Variants in LAMA3 observed in about 807,000 individuals in gnomAD.
LAMA3 encodes the protein laminin subunit alpha 3, also known as laminin subunit alpha-3.
A neutral mutation model predicts 402.0 loss-of-function variants in LAMA3; 281 were observed. The ratio of observed to expected loss-of-function variants is 0.70; its 90% CI spans 0.63 to 0.77. LAMA3 has a LOEUF of 0.77. LAMA3 is among the 30% of genes least tolerant of loss of function. LAMA3 has a pLI of 0.00. For missense variants in LAMA3, 3,840 were observed against 4,215.5 expected (o/e 0.91, Z 2.47); for synonymous variants, 1,431 against 1,558.4 (o/e 0.92, Z 1.93).
intron 68 of LAMA3, among the ~76,000 whole-genome samples, chr18:23,943,358 C>T (rs927884721): frequency 1.3e-5 from 2 of 152,104 alleles, no homozygotes; most frequent in South Asian, 2.1e-4. Flanking sequence ...AAAGAGTTCT[C>T]GAGATTGATT....
At position 23,884,838 on chromosome 18, in the gene LAMA3, G is replaced by A. The variant is rs1420062478; in HGVS notation, c.5288G>A (p.Gly1763Glu). 1 of 1,612,208 alleles carries A rather than the reference G, an allele frequency of 6.2e-7. No homozygotes were observed. Among genetic ancestry groups the A allele is most frequent in the African/African-American group, 1.3e-5 (1 of 74,962 alleles). ...VRCSCKAGYT[G>E]TQCERCAPGY... ...TGCTCCTGCAAAGCTGGGTACACAG[G>A]AACACAGTGTGAAAGGTAAGGTGGG... Residue 1763 changes from glycine (G) to glutamate (E), a missense_variant, in exon 41 of 75, where the codon GGA becomes GAA. Coordinates refer to ENST00000313654, the MANE Select transcript of LAMA3 (RefSeq NM_198129.4).
chr18:23,879,238 T>C lies in LAMA3; in HGVS notation c.5113-2698T>C, dbSNP rs2064821165. On this transcript the variant is annotated intron_variant, in intron 39 of 74. Transcript: ENST00000313654. The surrounding 1 kb of genome is among the most constrained non-coding windows in gnomAD (Gnocchi z 4.2). ...CGACCCTTAGCACAGTACTGGGGGC[T>C]CTTTCTAGCTGCATCCCGCCCCCTT... Among the ~76,000 whole-genome samples, 1 of 152,176 alleles carries C rather than the reference T, an allele frequency of 6.6e-6. No homozygotes were observed. Among genetic ancestry groups the C allele is most frequent in the African/African-American group, 2.4e-5 (1 of 41,432 alleles).
chr18:23,759,959 G>T (rs547450207), intron 7 of LAMA3, among the ~76,000 whole-genome samples: 21 of 152,300 alleles, frequency 1.4e-4, no homozygotes, highest in Admixed American at 1.4e-3. Flanking sequence ...CCCCAGATGA[G>T]GGGACCAGAG....
In LAMA3 at chr18:23,815,250, G is replaced by A. The variant is rs2144334226; in HGVS notation, c.1941+10G>A. 6.2e-7 allele frequency: 1 copy of A among 1,613,374 alleles called. No homozygotes were observed. Among genetic ancestry groups the A allele is most frequent in the East Asian group, 2.2e-5 (1 of 44,842 alleles). On this transcript the variant is annotated intron_variant, in intron 16 of 74. Transcript: ENST00000313654. ...TGGAGAGTGTAGGCAGGTAAAGTGG[G>A]CTGAGTTTTCATGTGACAACAGCAG...
At chr18:23,691,739 T>C (rs971208772) in intron 1 of LAMA3, among the ~76,000 whole-genome samples, 2 of 152,234 alleles carry the variant, frequency 1.3e-5, no homozygotes, top group Non-Finnish European at 2.9e-5. Context: ...GCGTGGCTAA[T>C]TTTTGTATCT....
chr18:23,907,926 G>A lies in LAMA3; in HGVS notation c.7006G>A (p.Asp2336Asn). The change falls in exon 54 of 75, where the codon GAT becomes AAT. Residue 2336 changes from aspartate (D) to asparagine (N), a missense_variant. Transcript: ENST00000313654. ...EDFKKALTDA[D>N]NSVNKLTNKL... ...CTTCAAAAAGGCTCTGACTGATGCA[G>A]ATAACTCGGGTATCAGGCGATCTCT... 3 of 1,613,754 alleles carry A rather than the reference G, an allele frequency of 1.9e-6. No homozygotes were observed. The highest frequency in any genetic ancestry group is 2.5e-6 in the Non-Finnish European group (3 of 1,179,934).
chr18:23,925,889 T>TA (rs1295832919), intron 62 of LAMA3, among the ~76,000 whole-genome samples: 1 of 152,210 alleles, frequency 6.6e-6, no homozygotes, highest in African/African-American at 2.4e-5. Context: ...ACTGTAAGTG[T>TA]AAAAAGCAAG....
intron 12 of LAMA3, among the ~76,000 whole-genome samples, chr18:23,800,528 GT>G (rs2062848234): frequency 6.6e-6 from 1 of 152,092 alleles, no homozygotes; most frequent in South Asian, 2.1e-4. Flanking sequence ...TCATTTCTTT[GT>G]TTTGTGAACA....
At position 23,912,770 on chromosome 18, in the gene LAMA3, C is replaced by A; in HGVS notation, c.7218C>A (p.Asp2406Glu). 6.2e-7 allele frequency: 1 copy of A among 1,614,026 alleles called. No homozygotes were observed. The highest frequency in any genetic ancestry group is 2.2e-5 in the East Asian group (1 of 44,876). The change falls in exon 56 of 75, where the codon GAC (aspartate) becomes GAA (glutamate). Residue 2406 changes from aspartate to glutamate, a missense_variant. Asp to Glu is a conservative substitution (Grantham distance 45, BLOSUM62 2). Transcript: ENST00000313654. ...KSGVEVRLPNDLEDLKGYTSL... is the reference protein window; with the variant it reads ...KSGVEVRLPNELEDLKGYTSL... ...GAGTCGAAGTCCGACTGCCAAATGA[C>A]CTGGAAGATTTGAAAGGATATACAT...
Position 23,810,457 on chromosome 18 carries a change from G to C in LAMA3, c.1695G>C (p.Arg565=). The change falls in exon 13 of 75, where the codon CGG becomes CGC. Residue 565 remains arginine (R), a synonymous_variant. Coordinates refer to ENST00000313654, the MANE Select transcript of LAMA3 (RefSeq NM_198129.4). ...GTCGGCCAGGAGTTACAGGACAGCG[G>C]TGTGACAGGTGTCTCTCAGGAGCTT... ...CECRPGVTGQ[R]CDRCLSGAYD... 6.2e-7 allele frequency: 1 copy of C among 1,614,164 alleles called. No homozygotes were observed. The highest frequency in any genetic ancestry group is 8.5e-7 in the Non-Finnish European group (1 of 1,180,012).
intron 10 of LAMA3, 144 bp from the exon 11 acceptor site, chr18:23,777,413 C>G: frequency 3.0e-6 from 2 of 658,540 alleles, no homozygotes; most frequent in Non-Finnish European, 5.5e-6. Flanking sequence ...TGAGATATAG[C>G]AATATCGCCT....
rs764775926 is a variant in LAMA3 at position 23,873,125 on chromosome 18, C to T, written c.4998+1464C>T. 6.2e-7 allele frequency: 1 copy of T among 1,614,206 alleles called. No homozygotes were observed. Among genetic ancestry groups the T allele is most frequent in the East Asian group, 2.2e-5 (1 of 44,884 alleles). On this transcript the variant is annotated intron_variant, in intron 38 of 74. Coordinates refer to ENST00000313654, the MANE Select transcript of LAMA3 (RefSeq NM_198129.4). ...GGGCAGCCCTGGGGCAGTGTCTGGG[C>T]TACAGTTCACAGCAGCAAAGGGTGC...
At chr18:23,915,231 A>G (rs1303771774) in intron 58 of LAMA3, 58 bp from the exon 59 acceptor site, 2 of 1,570,206 alleles carry the variant, frequency 1.3e-6, no homozygotes, top group East Asian at 2.2e-5. Context: ...ATTAATTGAT[A>G]CTATTTTGAT....
At chr18:23,934,018 G>C (rs984392356) in intron 67 of LAMA3, 83 bp downstream of exon 67, 34 of 1,361,480 alleles carry the variant, frequency 2.5e-5, no homozygotes, top group Non-Finnish European at 3.1e-5. Flanking sequence ...ATTGGGGAAG[G>C]GGGTGAGAGC....
intron 34 of LAMA3, 42 bp from the exon 35 acceptor site, chr18:23,861,604 G>A (rs370569680): frequency 3.5e-5 from 57 of 1,611,880 alleles, no homozygotes; most frequent in Non-Finnish European, 4.6e-5. Context: ...GGGATGCCAC[G>A]ACCAAGACGT....
In LAMA3 at chr18:23,709,755, C is replaced by A; in HGVS notation, c.295-4165C>A. 5.5e-6 allele frequency: 3 copies of A among 546,252 alleles called. No individual in the cohort carries two copies. In the Admixed American group the frequency reaches 6.5e-5, roughly 12 times the overall value. The allele number at this position is 546,252 out of a possible 1,614,324, so 33.8% of individuals were successfully genotyped here. A position where few individuals can be genotyped will look rare whatever the true frequency, so the allele number is the denominator to read the frequency against. The stretch of plus-strand genomic sequence containing the variant: ...ATGGATTCTTTTCTCTTCTGCTCCA[C>A]AAGTTTGATTGTCTTTTCTTTCTTT... On this transcript the variant is annotated intron_variant, in intron 1 of 74. Transcript: ENST00000313654.
chr18:23,866,962 A>G (rs2064372256), intron 36 of LAMA3, among the ~76,000 whole-genome samples: 2 of 152,202 alleles, frequency 1.3e-5, no homozygotes, highest in African/African-American at 2.4e-5. Flanking sequence ...TGCTGATGGT[A>G]GGGTGCTGAT....
intron 7 of LAMA3, among the ~76,000 whole-genome samples, chr18:23,762,702 T>C (rs1022893451): frequency 6.6e-6 from 1 of 152,020 alleles, no homozygotes; most frequent in Admixed American, 6.5e-5. Context: ...GATATGATTA[T>C]ATATCTTTCT....
chr18:23,946,201 C>T lies in LAMA3; in HGVS notation c.9268C>T (p.Arg3090Trp), dbSNP rs543847542. 55 of 1,613,954 alleles carry T rather than the reference C, an allele frequency of 3.4e-5. 1 individual carries two copies. The highest frequency in any genetic ancestry group is 3.3e-4 in the Middle Eastern group (2 of 6,062). The change falls in exon 70 of 75, where the codon CGG (arginine) becomes TGG (tryptophan). Residue 3090 changes from arginine to tryptophan, a missense_variant. Transcript: ENST00000313654. ...CTTGGTTGTGGATGGACTGAGGGCC[C>T]GGGAGGGAAGTTTGCCTGGAAACTC... ...GRLVVDGLRA[R>W]EGSLPGNSTI...
Sources: allele counts gnomAD v4.1 joint callset (sites outside exome capture counted in the v4.1 genomes callset), GRCh38; gene constraint gnomAD v4.1.1; non-coding constraint Gnocchi (gnomAD v3.1); transcripts MANE v1.5; gene names NCBI Gene and HGNC (gene_info 2026-07-23, HGNC 2026-07-21).